ADCYAP1R1: variants seen among roughly 807,000 people sequenced by gnomAD.
ADCYAP1R1 encodes ADCYAP receptor type I.
ADCYAP1R1 carries 44 observed loss-of-function variants against 67.6 expected under a neutral mutation model. That is an observed-to-expected ratio of 0.65 (90% CI 0.51 to 0.84). ADCYAP1R1 has a LOEUF of 0.84. ADCYAP1R1 is among the 40% of genes least tolerant of loss of function. The pLI is 0.00. For synonymous variants in ADCYAP1R1, 222 were observed against 219.6 expected (o/e 1.01, Z -0.10); for missense variants, 477 against 587.9 (o/e 0.81, Z 1.95).
At chr7:31,100,666 A>C (rs1796400014) in intron 13 of ADCYAP1R1, among the ~76,000 whole-genome samples, 3 of 152,178 alleles carry the variant, frequency 2.0e-5, no homozygotes, top group African/African-American at 7.2e-5. Flanking sequence ...AATCCCCACA[A>C]CAACTCTATG....
intron 3 of ADCYAP1R1, among the ~76,000 whole-genome samples, chr7:31,075,137 C>T (rs1376806732): frequency 6.6e-6 from 1 of 152,164 alleles, no homozygotes; most frequent in Non-Finnish European, 1.5e-5. Flanking sequence ...AGCCCTGCCC[C>T]AGGCCATCTC....
Position 31,060,676 on chromosome 7 carries a change from G to A in ADCYAP1R1, c.-71-2518G>A, listed in dbSNP as rs1794462893. On this transcript the variant is annotated intron_variant, in intron 1 of 15. Coordinates refer to ENST00000304166, the MANE Select transcript of ADCYAP1R1 (RefSeq NM_001118.5). ...TGATCATCTCTGTGGACCTATTTCT[G>A]TGTATTTGTGTGTGTTTGTGTGTGT... 2.0e-5 allele frequency among the ~76,000 whole-genome samples: 3 copies of A among 152,026 alleles called. No homozygotes were observed. The South Asian group carries it at 6.2e-4, about 32-fold the overall frequency.
At position 31,086,744 on chromosome 7, in the gene ADCYAP1R1, G is replaced by A. The variant is rs186250039; in HGVS notation, c.824-199G>A. On this transcript the variant is annotated intron_variant, in intron 10 of 15. Coordinates refer to ENST00000304166, the MANE Select transcript of ADCYAP1R1 (RefSeq NM_001118.5). The surrounding 1 kb of genome is among the most constrained non-coding windows in gnomAD (Gnocchi z 5.0). ...TCTCAGGGAGGAGTTAAATCCAGGAGTCCTCTGAGAGACAAGACAGCCCTT... is the reference window on the plus strand; with the variant it reads ...TCTCAGGGAGGAGTTAAATCCAGGAATCCTCTGAGAGACAAGACAGCCCTT... 2.1e-3 allele frequency among the ~76,000 whole-genome samples: 316 copies of A among 152,282 alleles called. No homozygotes were observed. Among genetic ancestry groups the A allele is most frequent in the Middle Eastern group, 0.017 (5 of 294 alleles).
intron 3 of ADCYAP1R1, among the ~76,000 whole-genome samples, chr7:31,076,805 C>T (rs896196637): frequency 3.3e-5 from 5 of 152,116 alleles, no homozygotes; most frequent in East Asian, 1.9e-4. Flanking sequence ...CCCCTTAGGG[C>T]GGATGGGGGG....
chr7:31,058,900 G>T (rs1452810298), intron 1 of ADCYAP1R1, among the ~76,000 whole-genome samples: 1 of 152,178 alleles, frequency 6.6e-6, no homozygotes, highest in African/African-American at 2.4e-5. Flanking sequence ...TGGGGAAGTT[G>T]CTTACCCTCT....
At chr7:31,104,611 G>A (rs1796564514) in intron 14 of ADCYAP1R1, among the ~76,000 whole-genome samples, 1 of 152,100 alleles carries the variant, frequency 6.6e-6, no homozygotes, top group Admixed American at 6.5e-5. Flanking sequence ...GGAATGGGAA[G>A]GATCTGACCA....
At chr7:31,104,766 C>T (rs533473782) in intron 14 of ADCYAP1R1, 102 bp from the exon 15 acceptor site, 10 of 1,323,010 alleles carry the variant, frequency 7.6e-6, no homozygotes, top group Admixed American at 1.7e-5. Flanking sequence ...CCATCCAGGT[C>T]ATGGTGTATT....
At chr7:31,088,089 T>C (rs1329284783) in intron 12 of ADCYAP1R1, among the ~76,000 whole-genome samples, 1 of 152,256 alleles carries the variant, frequency 6.6e-6, no homozygotes, top group Non-Finnish European at 1.5e-5. Context: ...CCCATTTCAT[T>C]GTCTACGCTT....
chr7:31,063,449 C>T (rs1794597024), intron 2 of ADCYAP1R1, 134 bp downstream of exon 2: 3 of 883,624 alleles, frequency 3.4e-6, no homozygotes, highest in East Asian at 2.6e-5. Flanking sequence ...ACCACTGGGC[C>T]ACCCAGTGCC....
At position 31,078,699 on chromosome 7, in the gene ADCYAP1R1, G is replaced by A. The variant is rs113824362; in HGVS notation, c.265+601G>A. ...CCCGTTGGGGCTGGCGCACACTCAC[G>A]TTTGCTCAGCAGAGCATTTTCTGGG... On this transcript the variant is annotated intron_variant, in intron 4 of 15. Transcript: ENST00000304166. 1.0e-3 allele frequency among the ~76,000 whole-genome samples: 158 copies of A among 152,300 alleles called. 1 individual carries two copies. The highest frequency in any genetic ancestry group is 3.2e-3 in the African/African-American group (134 of 41,570).
chr7:31,093,462 C>T (rs879406993), intron 13 of ADCYAP1R1, among the ~76,000 whole-genome samples: 10 of 152,150 alleles, frequency 6.6e-5, no homozygotes, highest in Admixed American at 1.3e-4. Flanking sequence ...TTTCTCTCTC[C>T]GCCCTGTCTC....
rs368132865 is a variant in ADCYAP1R1 at position 31,106,489 on chromosome 7, C to A, written c.1219-7C>A. ...CTGGAAGTGACCGCCCAGTTTGCTC[C>A]CTGCAGGTACAAGCGGAGATCAAGC... On this transcript the variant is annotated splice_region_variant and splice_polypyrimidine_tract_variant and intron_variant, in intron 15 of 15. Transcript: ENST00000304166. The A allele has an allele frequency of 1.7e-5, 27 of 1,597,888 alleles. No individual in the cohort carries two copies. Among genetic ancestry groups the A allele is most frequent in the Non-Finnish European group, 2.3e-5 (27 of 1,171,482 alleles).
At chr7:31,071,167 T>C (rs1794960282) in intron 3 of ADCYAP1R1, among the ~76,000 whole-genome samples, 1 of 152,214 alleles carries the variant, frequency 6.6e-6, no homozygotes, top group African/African-American at 2.4e-5. Flanking sequence ...ACTGTGGAAC[T>C]GGACAAAATC....
At chr7:31,099,454 C>G (rs1397373372) in intron 13 of ADCYAP1R1, among the ~76,000 whole-genome samples, 1 of 152,186 alleles carries the variant, frequency 6.6e-6, no homozygotes, top group Non-Finnish European at 1.5e-5. Context: ...CAAATAGCCA[C>G]ATATGGGTAG....
intron 2 of ADCYAP1R1, among the ~76,000 whole-genome samples, chr7:31,064,536 A>G (rs1269958814): frequency 6.6e-6 from 1 of 152,238 alleles, no homozygotes; most frequent in Admixed American, 6.5e-5. Flanking sequence ...TAATGCATGC[A>G]CAGAGTGAAG....
intron 1 of ADCYAP1R1, among the ~76,000 whole-genome samples, chr7:31,058,548 G>A (rs1270152444): frequency 6.6e-6 from 1 of 152,208 alleles, no homozygotes. Flanking sequence ...TCTATATTGT[G>A]TGACCTTGGA....
chr7:31,081,277 C>T (rs975766766), intron 5 of ADCYAP1R1, among the ~76,000 whole-genome samples: 13 of 152,202 alleles, frequency 8.5e-5, no homozygotes, highest in African/African-American at 2.4e-4. Context: ...TTCCCTTTGA[C>T]GGAGAGCAGT....
intron 13 of ADCYAP1R1, among the ~76,000 whole-genome samples, chr7:31,100,906 A>C (rs1215263192): frequency 6.6e-6 from 1 of 152,208 alleles, no homozygotes; most frequent in East Asian, 1.9e-4. Context: ...TTATTTGGGC[A>C]TCTCTGATGC....
chr7:31,076,660 T>C (rs1183318791), intron 3 of ADCYAP1R1, among the ~76,000 whole-genome samples: 1 of 152,162 alleles, frequency 6.6e-6, no homozygotes, highest in East Asian at 1.9e-4. Context: ...AATTCTTGCT[T>C]GGCGCGTGCA....
Sources: allele counts gnomAD v4.1 joint callset (sites outside exome capture counted in the v4.1 genomes callset), GRCh38; gene constraint gnomAD v4.1.1; non-coding constraint Gnocchi (gnomAD v3.1); transcripts MANE v1.5; gene names NCBI Gene and HGNC (gene_info 2026-07-23, HGNC 2026-07-21).